TSPAN3: variants seen among roughly 807,000 people sequenced by gnomAD.
TSPAN3 encodes the protein tetraspanin-3.
In TSPAN3, 9 loss-of-function variants were observed where a neutral mutation model predicts 31.1. The ratio of observed to expected loss-of-function variants is 0.29; its 90% CI spans 0.17 to 0.50. TSPAN3 has a LOEUF of 0.50. Among genes scored for constraint, TSPAN3 ranks in the 20% least tolerant of loss-of-function variants. The probability of loss-of-function intolerance (pLI) is 0.98; values close to 1 mark genes in which losing one functional copy is unlikely to be tolerated. For synonymous variants in TSPAN3, 129 were observed against 114.3 expected (o/e 1.13, Z -0.82); for missense variants, 252 against 313.5 (o/e 0.80, Z 1.48).
chr15:77,048,760 C>T (rs536019918), intron 6 of TSPAN3, among the ~76,000 whole-genome samples: 5 of 152,028 alleles, frequency 3.3e-5, no homozygotes, highest in African/African-American at 9.7e-5. Flanking sequence ...GAGAATTAAA[C>T]TTCACTTAGC....
At chr15:77,068,878 G>T (rs1322355220) in intron 1 of TSPAN3, among the ~76,000 whole-genome samples, 1 of 152,092 alleles carries the variant, frequency 6.6e-6, no homozygotes. Context: ...TCTTTGTCCA[G>T]TCTACCACTG....
intron 1 of TSPAN3, among the ~76,000 whole-genome samples, chr15:77,065,416 G>A (rs565728735): frequency 5.3e-5 from 8 of 152,132 alleles, no homozygotes; most frequent in African/African-American, 9.6e-5. Context: ...AGACATAAGC[G>A]TGATAAGTTT....
intron 6 of TSPAN3, 69 bp from the exon 7 acceptor site, chr15:77,046,996 G>A (rs2076696871): frequency 2.4e-6 from 3 of 1,270,556 alleles, no homozygotes; most frequent in Admixed American, 4.3e-5. Flanking sequence ...GTATTTCTTT[G>A]TTGGTAAAAG....
intron 3 of TSPAN3, chr15:77,055,125 T>C (rs2076760143): frequency 6.6e-6 from 1 of 152,256 alleles, no homozygotes; most frequent in Admixed American, 6.5e-5. Flanking sequence ...CATTAAGTTA[T>C]AATGAGAATG....
intron 3 of TSPAN3, 68 bp downstream of exon 3, chr15:77,055,721 G>T: frequency 1.7e-6 from 2 of 1,203,222 alleles, no homozygotes; most frequent in Non-Finnish European, 2.4e-6. Flanking sequence ...AAATGAATGT[G>T]TTCTATTTTA....
chr15:77,051,576 C>T (rs1378133493), intron 6 of TSPAN3, among the ~76,000 whole-genome samples: 2 of 150,370 alleles, frequency 1.3e-5, no homozygotes, highest in Non-Finnish European at 3.0e-5. Context: ...AAGCTGGGTG[C>T]GGTGGCTCAC....
At chr15:77,061,428 T>C (rs563568161) in intron 1 of TSPAN3, among the ~76,000 whole-genome samples, 97 of 152,088 alleles carry the variant, frequency 6.4e-4, no homozygotes, top group African/African-American at 2.3e-3. Flanking sequence ...TCAGAAACGC[T>C]GAGGCAGGAG....
At chr15:77,064,362 A>T (rs1202227510) in intron 1 of TSPAN3, 1 of 152,148 alleles carries the variant, frequency 6.6e-6, no homozygotes, top group Admixed American at 6.5e-5. Context: ...TTCAACACAC[A>T]TTTACTCATG....
At chr15:77,052,963 A>C in intron 4 of TSPAN3, 34 bp from the exon 5 acceptor site, 1 of 1,590,712 alleles carries the variant, frequency 6.3e-7, no homozygotes, top group Non-Finnish European at 8.6e-7. Context: ...TATTTCTCAC[A>C]AAAACCAAAT....
In TSPAN3 at chr15:77,069,864, CAAGTGTTTAAGG is replaced by C. The variant is rs529189554; in HGVS notation, c.63+1016_63+1027del. The C allele has an allele frequency of 1.1e-3, 161 of 152,312 alleles. 1 individual carries two copies. Among genetic ancestry groups the C allele is most frequent in the African/African-American group, 3.8e-3 (157 of 41,536 alleles). 9.4% of individuals were successfully genotyped at this position (152,312 alleles called of 1,614,324 possible). A position where few individuals can be genotyped will look rare whatever the true frequency, so the allele number is the denominator to read the frequency against. ...GACAGAGCAATCTGTCCAGGGCACT[CAAGTGTTTAAGG>C]AAATGACAAGTTCAGAGAGGCAAGG... On this transcript the variant is annotated intron_variant, in intron 1 of 6. Coordinates refer to ENST00000267970, the MANE Select transcript of TSPAN3 (RefSeq NM_005724.6).
Position 77,071,060 on chromosome 15 carries a change from G to GGCGCTCCCCGCAGCCCCTGCGCC in TSPAN3, c.-129_-107dup. 1.3e-6 allele frequency: 1 copy of GGCGCTCCCCGCAGCCCCTGCGCC among 770,140 alleles called. No individual in the cohort carries two copies. The highest frequency in any genetic ancestry group is 1.8e-6 in the Non-Finnish European group (1 of 566,630). The allele number at this position is 770,140 out of a possible 1,614,324, so 47.7% of individuals were successfully genotyped here. A position where few individuals can be genotyped will look rare whatever the true frequency, so the allele number is the denominator to read the frequency against. ...TCGCTAGGAACTGCACGGCCTGCGC[G>GGCGCTCCCCGCAGCCCCTGCGCC]GCGCTCCCCGCAGCCCCTGCGCCGT... On this transcript the variant is annotated 5_prime_UTR_variant, in exon 1 of 7. Coordinates refer to ENST00000267970, the MANE Select transcript of TSPAN3 (RefSeq NM_005724.6).
intron 1 of TSPAN3, among the ~76,000 whole-genome samples, chr15:77,065,393 T>C (rs547238925): frequency 1.3e-5 from 2 of 152,204 alleles, no homozygotes; most frequent in Non-Finnish European, 2.9e-5. Context: ...TTTCCTTAAT[T>C]ATATACATTC....
chr15:77,062,348 G>A (rs574396971), intron 1 of TSPAN3, among the ~76,000 whole-genome samples: 9 of 152,140 alleles, frequency 5.9e-5, no homozygotes, highest in East Asian at 1.9e-4. Flanking sequence ...AACAGTTTAC[G>A]TCACTAAACA....
At chr15:77,052,578 T>C (rs1484266847) in intron 5 of TSPAN3, 110 bp from the exon 6 acceptor site, 1 of 1,192,332 alleles carries the variant, frequency 8.4e-7, no homozygotes, top group Non-Finnish European at 1.2e-6. Flanking sequence ...ACTGAAAGAG[T>C]GGAAAAAAGA....
chr15:77,061,426 G>A (rs1245510527), intron 1 of TSPAN3, among the ~76,000 whole-genome samples: 2 of 152,050 alleles, frequency 1.3e-5, no homozygotes, highest in Non-Finnish European at 2.9e-5. Context: ...ACTCAGAAAC[G>A]CTGAGGCAGG....
chr15:77,058,655 C>CAGT (rs1464359929), intron 1 of TSPAN3, among the ~76,000 whole-genome samples: 1 of 152,224 alleles, frequency 6.6e-6, no homozygotes, highest in Non-Finnish European at 1.5e-5. Flanking sequence ...TCATCTAGAA[C>CAGT]AGTACTTGGC....
At chr15:77,068,765 T>C (rs1198331874) in intron 1 of TSPAN3, among the ~76,000 whole-genome samples, 1 of 152,208 alleles carries the variant, frequency 6.6e-6, no homozygotes, top group African/African-American at 2.4e-5. Context: ...CATCAGTTTG[T>C]TGAGGATGAT....
rs137966242 is a variant in TSPAN3, at chr15:77,067,411, C to T, written c.63+3481G>A. Among the ~76,000 whole-genome samples the T allele has an allele frequency of 1.4e-4, 22 of 152,244 alleles. No homozygotes were observed. The East Asian group carries it at 4.2e-3, about 29-fold the overall frequency. On this transcript the variant is annotated intron_variant, in intron 1 of 6. Transcript: ENST00000267970. ...ATGTCACAGTTCAATGAACAAAATG[C>T]CAGCAGAATCAGGATATCAAGACAT... is the stretch of plus-strand genomic sequence containing the variant.
intron 4 of TSPAN3, 87 bp from the exon 5 acceptor site, chr15:77,053,016 C>G: frequency 7.7e-7 from 1 of 1,304,616 alleles, no homozygotes; most frequent in Non-Finnish European, 1.1e-6. Flanking sequence ...ATAAGCTACT[C>G]TAGACCAGTG....
Sources: gnomAD v4.1 joint callset for allele counts (sites outside exome capture counted in the v4.1 genomes callset) on GRCh38, gnomAD v4.1.1 for gene constraint, MANE v1.5 for transcripts, NCBI Gene and HGNC (gene_info 2026-07-23, HGNC 2026-07-21) for gene names.